The following ABHD17C variants were observed in gnomAD, a reference collection of about 807,000 sequenced individuals.
ABHD17C encodes abhydrolase domain containing 17C, depalmitoylase, also known as alpha/beta hydrolase domain-containing protein 17C.
A neutral mutation model predicts 27.9 loss-of-function variants in ABHD17C; 11 were observed. The observed-to-expected ratio is 0.39, with a 90% CI of 0.25 to 0.65. ABHD17C has a LOEUF of 0.65. Ranked by LOEUF, ABHD17C falls within the 30% of genes least tolerant of loss-of-function variation. The pLI is 0.45. For synonymous variants in ABHD17C, 233 were observed against 209.1 expected, an observed-to-expected ratio of 1.11 and a Z score of -0.98; for missense variants, 280 against 470.2, an observed-to-expected ratio of 0.60 and a Z score of 3.74.
At chr15:80,749,752 G>T in intron 2 of ABHD17C, 60 bp downstream of exon 2, 2 of 1,533,700 alleles carry the variant, frequency 1.3e-6, no homozygotes, top group South Asian at 2.3e-5. Context: ...TATATCTGAT[G>T]CTCCCATAAA....
chr15:80,719,713 T>C (rs908829851), intron 1 of ABHD17C, among the ~76,000 whole-genome samples: 2 of 151,946 alleles, frequency 1.3e-5, no homozygotes, highest in African/African-American at 4.8e-5. Flanking sequence ...CAATCATGGC[T>C]TAAAAACTGC....
chr15:80,727,039 A>C (rs1294004242), intron 1 of ABHD17C, among the ~76,000 whole-genome samples: 1 of 152,248 alleles, frequency 6.6e-6, no homozygotes, highest in Admixed American at 6.5e-5. Context: ...CTGTATTCAA[A>C]TCTTGTAGTT....
chr15:80,735,696 G>A (rs1474073501), intron 1 of ABHD17C, among the ~76,000 whole-genome samples: 1 of 152,066 alleles, frequency 6.6e-6, no homozygotes, highest in African/African-American at 2.4e-5. Flanking sequence ...CTTTGACATT[G>A]GCTTTGAGCT....
chr15:80,749,418 G>A (rs1358146822), intron 1 of ABHD17C, 95 bp from the exon 2 acceptor site: 4 of 1,289,474 alleles, frequency 3.1e-6, no homozygotes, highest in Non-Finnish European at 4.3e-6. Context: ...GCTGGTGGAT[G>A]TGGGAATTTT....
At chr15:80,697,608 G>A (rs1894512024) in intron 1 of ABHD17C, among the ~76,000 whole-genome samples, 2 of 151,504 alleles carry the variant, frequency 1.3e-5, no homozygotes, top group African/African-American at 4.9e-5. Flanking sequence ...TACGTGGAGT[G>A]TAGTTATTTC....
At chr15:80,713,900 C>A (rs954539693) in intron 1 of ABHD17C, among the ~76,000 whole-genome samples, 1 of 141,048 alleles carries the variant, frequency 7.1e-6, no homozygotes. Flanking sequence ...CATATACAGA[C>A]CACACACACA....
At chr15:80,699,981 A>G (rs972867200) in intron 1 of ABHD17C, among the ~76,000 whole-genome samples, 4 of 152,248 alleles carry the variant, frequency 2.6e-5, no homozygotes, top group African/African-American at 9.6e-5. Context: ...GAGGGAATGA[A>G]TTGAAATCAC....
chr15:80,715,288 T>A (rs1894788889), intron 1 of ABHD17C, among the ~76,000 whole-genome samples: 2 of 152,326 alleles, frequency 1.3e-5, no homozygotes, highest in South Asian at 4.1e-4. Flanking sequence ...TACCATTTTT[T>A]ATGTTGATTC....
At chr15:80,710,598 T>C (rs1212269673) in intron 1 of ABHD17C, among the ~76,000 whole-genome samples, 4 of 152,204 alleles carry the variant, frequency 2.6e-5, no homozygotes, top group Non-Finnish European at 5.9e-5. Flanking sequence ...TGGATGTATT[T>C]GAAAGGCGGA....
intron 1 of ABHD17C, among the ~76,000 whole-genome samples, chr15:80,727,231 C>A (rs4778848): frequency 0.33 from 50,363 of 152,098 alleles, 10,264 homozygotes; most frequent in Non-Finnish European, 0.47. Context: ...AGATCTGAAT[C>A]GTCTAGGGTC....
At chr15:80,714,949 A>G (rs552887364) in intron 1 of ABHD17C, among the ~76,000 whole-genome samples, 1 of 152,320 alleles carries the variant, frequency 6.6e-6, no homozygotes. Context: ...GCTAAGTGCT[A>G]GGTATAATCT....
intron 1 of ABHD17C, among the ~76,000 whole-genome samples, chr15:80,734,985 A>C (rs913585576): frequency 3.9e-5 from 6 of 152,174 alleles, no homozygotes; most frequent in Admixed American, 3.3e-4. Context: ...TTATGGTATC[A>C]TCATCTCGCA....
At chr15:80,742,257 C>A (rs1567038276) in intron 1 of ABHD17C, among the ~76,000 whole-genome samples, 1 of 152,116 alleles carries the variant, frequency 6.6e-6, no homozygotes, top group Non-Finnish European at 1.5e-5. Flanking sequence ...TGTAATTCAT[C>A]CCAGTCCAAA....
chr15:80,745,117 G>A (rs146495564), intron 1 of ABHD17C, among the ~76,000 whole-genome samples: 7 of 152,254 alleles, frequency 4.6e-5, no homozygotes, highest in Non-Finnish European at 7.4e-5. Context: ...CCAGCTTAAT[G>A]ACTTATAAAA....
At chr15:80,751,564 G>C (rs947851978) in intron 2 of ABHD17C, among the ~76,000 whole-genome samples, 1 of 152,126 alleles carries the variant, frequency 6.6e-6, no homozygotes, top group African/African-American at 2.4e-5. Flanking sequence ...CAACACCACA[G>C]CAAGATCCTG....
rs546877750 is a variant in ABHD17C, at chr15:80,699,082, A to G, written c.590+3063A>G. 1.6e-3 allele frequency among the ~76,000 whole-genome samples: 244 copies of G among 152,282 alleles called. 8 individuals carry two copies. The South Asian group carries it at 0.05, about 31-fold the overall frequency. On this transcript the variant is annotated intron_variant, in intron 1 of 2. Transcript: ENST00000258884. Reference sequence around the variant, plus strand: ...GCTAGGAACAATGGATCCTGACTGGATCTTAATTGGATTAGGAGACCCTTT... The same window carrying G: ...GCTAGGAACAATGGATCCTGACTGGGTCTTAATTGGATTAGGAGACCCTTT...
At chr15:80,720,695 CG>C (rs1257090930) in intron 1 of ABHD17C, among the ~76,000 whole-genome samples, 5 of 151,928 alleles carry the variant, frequency 3.3e-5, no homozygotes, top group African/African-American at 1.2e-4. Context: ...CCTAGGCAGG[CG>C]GATCACCTGA....
rs571370073 is a variant in ABHD17C, at chr15:80,734,412, A to G, written c.591-15101A>G. On this transcript the variant is annotated intron_variant, in intron 1 of 2. Coordinates refer to ENST00000258884, the MANE Select transcript of ABHD17C (RefSeq NM_021214.2). ...GGCAGCATTTTCTGGCTTTTCCAACATGTTAAATAATTACAGAATGCCAAA... is the reference window on the plus strand; with the variant it reads ...GGCAGCATTTTCTGGCTTTTCCAACGTGTTAAATAATTACAGAATGCCAAA... Among the ~76,000 whole-genome samples the G allele has an allele frequency of 2.0e-5, 3 of 152,362 alleles. No individual in the cohort carries two copies. The South Asian group carries it at 6.2e-4, about 32-fold the overall frequency.
At chr15:80,716,040 T>C (rs187980716) in intron 1 of ABHD17C, among the ~76,000 whole-genome samples, 70 of 152,334 alleles carry the variant, frequency 4.6e-4, no homozygotes, top group Non-Finnish European at 8.4e-4. Context: ...ATTTTATTCC[T>C]GATTATTTAA....
Sources: allele counts gnomAD v4.1 joint callset (sites outside exome capture counted in the v4.1 genomes callset), GRCh38; gene constraint gnomAD v4.1.1; transcripts MANE v1.5; gene names NCBI Gene and HGNC (gene_info 2026-07-23, HGNC 2026-07-21).